GNPDA1: variants seen among roughly 807,000 people sequenced by gnomAD.
GNPDA1 encodes the protein glucosamine-6-phosphate deaminase 1.
In GNPDA1, 24 loss-of-function variants were observed where a neutral mutation model predicts 28.5. That is an observed-to-expected ratio of 0.84 (90% CI 0.61 to 1.19). GNPDA1 has a LOEUF of 1.19. GNPDA1 is among the 50% of genes most tolerant of loss of function. The probability of loss-of-function intolerance (pLI) is 0.00; values close to 1 mark genes in which losing one functional copy is unlikely to be tolerated. For synonymous variants in GNPDA1, 147 were observed against 139.3 expected (o/e 1.06, Z -0.39); for missense variants, 264 against 367.3 (o/e 0.72, Z 2.30).
At chr5:142,011,510 CT>C (rs1755954100) in intron 2 of GNPDA1, among the ~76,000 whole-genome samples, 1 of 152,204 alleles carries the variant, frequency 6.6e-6, no homozygotes, top group African/African-American at 2.4e-5. Flanking sequence ...AAGTGACTAT[CT>C]TTTCAATTCT....
In GNPDA1 at chr5:142,005,060, T is replaced by C; in HGVS notation, c.466A>G (p.Arg156Gly). 6.2e-7 allele frequency: 1 copy of C among 1,613,284 alleles called. No homozygotes were observed. The highest frequency in any genetic ancestry group is 8.5e-7 in the Non-Finnish European group (1 of 1,179,340). ...FNEPGSSLVS[R>G]TRVKTLAMDT... ...ATGGCCAGCGTCTTCACACGGGTCC[T>C]GGACACCAGACTGGAGCCTGGCTCG... The change falls in exon 5 of 7, where the codon AGG becomes GGG. Residue 156 changes from arginine to glycine, a missense_variant. Coordinates refer to ENST00000311337, the MANE Select transcript of GNPDA1 (RefSeq NM_005471.5).
At chr5:142,011,234 C>CAAAAAAAAAAAA (rs35952167) in intron 2 of GNPDA1, among the ~76,000 whole-genome samples, 1 of 115,584 alleles carries the variant, frequency 8.7e-6, no homozygotes, top group Admixed American at 8.8e-5. Flanking sequence ...CAAGGAAGAC[C>CAAAAAAAAAAAA]AAAAAAAAAA....
chr5:142,012,340 C>T (rs914289819), intron 1 of GNPDA1: 1 of 248,356 alleles, frequency 4.0e-6, no homozygotes, highest in Non-Finnish European at 7.9e-6. Context: ...CCGTTTCCTC[C>T]TATGTAAAAA....
Position 142,011,996 on chromosome 5 carries a change from C to T in GNPDA1, c.40G>A (p.Glu14Lys), listed in dbSNP as rs1445182325. Residue 14 changes from glutamate to lysine, a missense_variant, in exon 2 of 7, where the codon GAG (glutamate) becomes AAG (lysine). Physicochemically the swap from Glu to Lys is moderately conservative, Grantham distance 56. Transcript: ENST00000311337. ...TTCCTGATGTATTTAGCCGCCCACT[C>T]GCTCGCCTGAGAATAGTGCTCCAGG... ...IILEHYSQAS[E>K]WAAKYIRNRI... 9.3e-6 allele frequency: 15 copies of T among 1,612,302 alleles called. No homozygotes were observed. Among genetic ancestry groups the T allele is most frequent in the South Asian group, 2.2e-5 (2 of 91,044 alleles).
Position 142,004,349 on chromosome 5 carries a change from G to A in GNPDA1, c.594+583C>T, listed in dbSNP as rs558249573. On this transcript the variant is annotated intron_variant, in intron 5 of 6. Transcript: ENST00000311337. ...ATGTAAATCTAACATGTCTATACAC[G>A]TCAGAAAGGAAGAGAAAATGCTTCT... Among the ~76,000 whole-genome samples the A allele has an allele frequency of 2.6e-5, 4 of 152,290 alleles. No individual in the cohort carries two copies. In the East Asian group the frequency reaches 5.8e-4, roughly 22 times the overall value.
At chr5:142,009,236 G>A (rs1018914728) in intron 2 of GNPDA1, among the ~76,000 whole-genome samples, 4 of 151,774 alleles carry the variant, frequency 2.6e-5, no homozygotes, top group African/African-American at 4.8e-5. Flanking sequence ...TCGAGATTAC[G>A]TCATGTCACC....
At chr5:142,005,775 T>C (rs1043876471) in intron 4 of GNPDA1, among the ~76,000 whole-genome samples, 1 of 152,030 alleles carries the variant, frequency 6.6e-6, no homozygotes, top group African/African-American at 2.4e-5. Flanking sequence ...TCACCTAACT[T>C]CTCTGGGGTT....
At chr5:142,009,954 G>C (rs1297978621) in intron 2 of GNPDA1, among the ~76,000 whole-genome samples, 3 of 152,142 alleles carry the variant, frequency 2.0e-5, no homozygotes, top group Non-Finnish European at 4.4e-5. Flanking sequence ...ACTCTGCAAT[G>C]ATGGGAACGA....
Position 142,003,262 on chromosome 5 carries a change from C to G in GNPDA1, c.595G>C (p.Val199Leu). 6.2e-7 allele frequency: 1 copy of G among 1,605,716 alleles called. No individual in the cohort carries two copies. The highest frequency in any genetic ancestry group is 8.5e-7 in the Non-Finnish European group (1 of 1,174,508). The change falls in exon 6 of 7, where the codon GTG (valine) becomes CTG (leucine). Residue 199 changes from valine to leucine, a missense_variant and splice_region_variant. Val to Leu is a conservative substitution (Grantham distance 32, BLOSUM62 1). Transcript: ENST00000311337. The surrounding 1 kb of genome is among the most constrained non-coding windows in gnomAD (Gnocchi z 4.0). ...TGAGCACCTGTGATAAGGATCATCA[C>G]CTGGGGATCAGAAAACAAGTCTGTG... ...GVGTVMDARE[V>L]MILITGAHKA... is the part of the protein sequence containing the mutation.
At chr5:142,008,498 G>A (rs965179159) in intron 2 of GNPDA1, among the ~76,000 whole-genome samples, 4 of 152,174 alleles carry the variant, frequency 2.6e-5, no homozygotes, top group South Asian at 2.1e-4. Context: ...AGGCCAAGGC[G>A]GGCAGATCAC....
Position 142,001,881 on chromosome 5 carries a change from C to T in GNPDA1, c.*148G>A, listed in dbSNP as rs1755685942. The T allele has an allele frequency of 4.5e-6, 2 of 448,960 alleles. No homozygotes were observed. The highest frequency in any genetic ancestry group is 4.0e-6 in the Non-Finnish European group (1 of 252,400). 27.8% of individuals were successfully genotyped at this position (448,960 alleles called of 1,614,324 possible). On this transcript the variant is annotated 3_prime_UTR_variant, in exon 7 of 7. Transcript: ENST00000311337. Reference sequence around the variant, plus strand: ...TATAGCTAAACTCCGTGACTAGGCTCCCAGCCTCATGGCCAAGAACAATAA... The same window carrying T: ...TATAGCTAAACTCCGTGACTAGGCTTCCAGCCTCATGGCCAAGAACAATAA...
chr5:142,005,816 C>A (rs1755788387), intron 4 of GNPDA1, among the ~76,000 whole-genome samples: 1 of 152,112 alleles, frequency 6.6e-6, no homozygotes, highest in Admixed American at 6.6e-5. Flanking sequence ...CTGTGTGGAG[C>A]CTTCCGGAAC....
At position 142,005,017 on chromosome 5, in the gene GNPDA1, T is replaced by G. The variant is rs1387896178; in HGVS notation, c.509A>C (p.Asn170Thr). The G allele has an allele frequency of 5.6e-6, 9 of 1,613,570 alleles. No homozygotes were observed. Among genetic ancestry groups the G allele is most frequent in the Non-Finnish European group, 6.8e-6 (8 of 1,179,666 alleles). ...KTLAMDTILA[N>T]ARFFDGELTK... Reference sequence around the variant, plus strand: ...GAGTTCTCCATCGAAGAACCTAGCATTGGCCAGGATGGTATCCATGGCCAG... The same window carrying G: ...GAGTTCTCCATCGAAGAACCTAGCAGTGGCCAGGATGGTATCCATGGCCAG... Residue 170 changes from asparagine to threonine, a missense_variant, in exon 5 of 7, where the codon AAT becomes ACT. Transcript: ENST00000311337.
In GNPDA1 at chr5:142,001,571, C is replaced by T. The variant is rs1425689673; in HGVS notation, c.*458G>A. Reference sequence around the variant, plus strand: ...TTTAGATATTGAGAGTTTGTGCCTTCACTTGGAACAATGGTTCTCAACCAA... The same window carrying T: ...TTTAGATATTGAGAGTTTGTGCCTTTACTTGGAACAATGGTTCTCAACCAA... On this transcript the variant is annotated 3_prime_UTR_variant, in exon 7 of 7. Transcript: ENST00000311337. 1 of 152,992 alleles carries T rather than the reference C, an allele frequency of 6.5e-6. No homozygotes were observed. The allele number at this position is 152,992 out of a possible 1,614,324, so 9.5% of individuals were successfully genotyped here.
At chr5:142,008,827 A>G (rs932228449) in intron 2 of GNPDA1, among the ~76,000 whole-genome samples, 1 of 152,172 alleles carries the variant, frequency 6.6e-6, no homozygotes, top group African/African-American at 2.4e-5. Flanking sequence ...CTGACTGGAC[A>G]CTGAATTAAT....
At chr5:142,011,269 G>A (rs1755947285) in intron 2 of GNPDA1, among the ~76,000 whole-genome samples, 2 of 109,944 alleles carry the variant, frequency 1.8e-5, no homozygotes, top group Non-Finnish European at 4.0e-5. Flanking sequence ...GAACAAGTTT[G>A]AAGACCCCTC....
intron 6 of GNPDA1, among the ~76,000 whole-genome samples, chr5:142,002,886 A>G (rs1755710271): frequency 6.6e-6 from 1 of 152,232 alleles, no homozygotes; most frequent in South Asian, 2.1e-4. Context: ...CCTCCTCCTC[A>G]GAGCAAACAG....
Position 142,003,128 on chromosome 5 carries a change from G to A in GNPDA1, c.729C>T (p.Ala243=). The change falls in exon 6 of 7, where the codon GCC becomes GCT. Residue 243 remains alanine, a synonymous_variant. Coordinates refer to ENST00000311337, the MANE Select transcript of GNPDA1 (RefSeq NM_005471.5). This position sits in a 1 kb window ranked among gnomAD's most constrained non-coding sequence, Gnocchi z 4.0. ...CAGTCTTCACTTTCAGCTCCAAGGT[G>A]GCATCCTCGTCACACACAAACACGG... The part of the protein sequence containing the change: ...PRTVFVCDED[A]TLELKVKTVK... 1.2e-6 allele frequency: 2 copies of A among 1,614,000 alleles called. No individual in the cohort carries two copies. The highest frequency in any genetic ancestry group is 2.2e-5 in the East Asian group (1 of 44,882).
At chr5:142,010,461 G>A (rs909489805) in intron 2 of GNPDA1, among the ~76,000 whole-genome samples, 3 of 151,486 alleles carry the variant, frequency 2.0e-5, no homozygotes, top group Non-Finnish European at 4.4e-5. Context: ...ACCCGGCCCT[G>A]TGGCCTGTTT....
Sources: gnomAD v4.1 joint callset for allele counts (sites outside exome capture counted in the v4.1 genomes callset) on GRCh38, gnomAD v4.1.1 for gene constraint, Gnocchi (gnomAD v3.1) non-coding constraint, MANE v1.5 for transcripts, NCBI Gene and HGNC (gene_info 2026-07-23, HGNC 2026-07-21) for gene names.